Variants in CLYBL observed in about 807,000 individuals in gnomAD.
CLYBL encodes the protein citramalyl-CoA lyase, mitochondrial.
Under a neutral mutation model 38.9 loss-of-function variants are expected in CLYBL, and 31 were observed. That is an observed-to-expected ratio of 0.80 (90% CI 0.60 to 1.08). CLYBL has a LOEUF of 1.08. Ranked by LOEUF, CLYBL falls within the 50% of genes least tolerant of loss-of-function variation. The pLI is 0.00. For missense variants in CLYBL, 434 were observed against 411.6 expected, an observed-to-expected ratio of 1.05 and a Z score of -0.47; for synonymous variants, 171 against 158.6, an observed-to-expected ratio of 1.08 and a Z score of -0.59.
At position 99,612,386 on chromosome 13, in the gene CLYBL, C is replaced by CTTTTTTT. The variant is rs56097059; in HGVS notation, c.62+5642_62+5648dup. Reference sequence around the variant, plus strand: ...AGATAATTAATTTTAGACCTTTCTACTTTTTTTTTTTTTTTTTTTGAGACA... The same window carrying CTTTTTTT: ...AGATAATTAATTTTAGACCTTTCTACTTTTTTTTTTTTTTTTTTTTTTTTTTGAGACA... On this transcript the variant is annotated intron_variant, in intron 1 of 8. Coordinates refer to ENST00000339105, the MANE Select transcript of CLYBL (RefSeq NM_206808.5). 2.8e-4 allele frequency among the ~76,000 whole-genome samples: 31 copies of CTTTTTTT among 112,364 alleles called. 1 individual carries two copies. The highest frequency in any genetic ancestry group is 6.0e-4 in the South Asian group (2 of 3,326). The allele number at this position is 112,364 out of a possible 152,430, so 73.7% of individuals were successfully genotyped here. A position where few individuals can be genotyped will look rare whatever the true frequency, so the allele number is the denominator to read the frequency against.
chr13:99,814,731 A>G (rs1476562298), intron 2 of CLYBL, among the ~76,000 whole-genome samples: 1 of 145,422 alleles, frequency 6.9e-6, no homozygotes, highest in African/African-American at 2.7e-5. Context: ...CTGTCTCAGA[A>G]AAAAAAAAAA....
intron 1 of CLYBL, among the ~76,000 whole-genome samples, chr13:99,765,624 G>T (rs895704271): frequency 6.6e-6 from 1 of 151,984 alleles, no homozygotes; most frequent in Non-Finnish European, 1.5e-5. Flanking sequence ...ACTTACTGCA[G>T]CCTCAACCTC....
At chr13:99,661,820 T>G (rs1221835842) in intron 1 of CLYBL, among the ~76,000 whole-genome samples, 2 of 152,184 alleles carry the variant, frequency 1.3e-5, no homozygotes, top group African/African-American at 4.8e-5. Flanking sequence ...GTCTGATGTG[T>G]TAACAGTCTT....
At chr13:99,651,827 G>T (rs1158289431) in intron 1 of CLYBL, among the ~76,000 whole-genome samples, 1 of 152,112 alleles carries the variant, frequency 6.6e-6, no homozygotes, top group Non-Finnish European at 1.5e-5. Context: ...AGCTACTTGG[G>T]AGGCTGAGGC....
At chr13:99,798,203 G>A (rs930015430) in intron 2 of CLYBL, among the ~76,000 whole-genome samples, 1 of 152,176 alleles carries the variant, frequency 6.6e-6, no homozygotes, top group South Asian at 2.1e-4. Flanking sequence ...GTTTCACTGC[G>A]CTCAAATTTT....
intron 1 of CLYBL, among the ~76,000 whole-genome samples, chr13:99,726,871 G>A (rs552727956): frequency 7.2e-5 from 11 of 152,254 alleles, no homozygotes; most frequent in African/African-American, 2.4e-4. Flanking sequence ...ATCAGAACCT[G>A]GTTTTGACTG....
chr13:99,898,598 T>C (rs2152136652), downstream of CLYBL, among the ~76,000 whole-genome samples: 1 of 152,346 alleles, frequency 6.6e-6, no homozygotes, highest in African/African-American at 2.4e-5. Context: ...CCCCCGCCCC[T>C]GTGTACCCAC....
intron 1 of CLYBL, among the ~76,000 whole-genome samples, chr13:99,629,456 C>A (rs973859920): frequency 5.3e-5 from 8 of 152,306 alleles, no homozygotes; most frequent in Admixed American, 2.6e-4. Context: ...CATCCCCTCC[C>A]CTATCTGGGC....
At chr13:99,906,940 A>T (rs538352217) in intron 9 of CLYBL, among the ~76,000 whole-genome samples, 1 of 152,310 alleles carries the variant, frequency 6.6e-6, no homozygotes, top group East Asian at 1.9e-4. Flanking sequence ...TTGCGTCTAC[A>T]TCTGGGAATT....
intron 1 of CLYBL, among the ~76,000 whole-genome samples, chr13:99,669,663 T>C (rs2793786): frequency 0.79 from 120,025 of 151,926 alleles, 47,624 homozygotes; most frequent in East Asian, 0.84. Flanking sequence ...CTTTTTCATT[T>C]CCCATGAAGA....
Position 99,625,537 on chromosome 13 carries a change from C to T in CLYBL, c.62+18780C>T, listed in dbSNP as rs576437619. On this transcript the variant is annotated intron_variant, in intron 1 of 8. Coordinates refer to ENST00000339105, the MANE Select transcript of CLYBL (RefSeq NM_206808.5). ...TAATGAAGGATAAGAAACTTCACAA[C>T]CATATGGTTTACTACTTGATGCGAT... is the stretch of plus-strand genomic sequence containing the variant. 3.3e-5 allele frequency among the ~76,000 whole-genome samples: 5 copies of T among 152,234 alleles called. 1 individual carries two copies. In the South Asian group the frequency reaches 1.0e-3, roughly 32 times the overall value.
chr13:99,847,893 G>A (rs962653427), intron 2 of CLYBL, among the ~76,000 whole-genome samples: 2 of 152,146 alleles, frequency 1.3e-5, no homozygotes, highest in Non-Finnish European at 2.9e-5. Flanking sequence ...CCAATGGAAC[G>A]GAGCGTCATT....
In CLYBL at chr13:99,865,517, C is replaced by G. The variant is rs745770507; in HGVS notation, c.634+606C>G. Among the ~76,000 whole-genome samples, 1 of 152,070 alleles carries G rather than the reference C, an allele frequency of 6.6e-6. No homozygotes were observed. Among genetic ancestry groups the G allele is most frequent in the Non-Finnish European group, 1.5e-5 (1 of 68,008 alleles). ...ACCGTGAAGCATTTAGAAAAGAGGCCGAGGCCACAGAAACCAGCCCCAGTG... is the reference window on the plus strand; with the variant it reads ...ACCGTGAAGCATTTAGAAAAGAGGCGGAGGCCACAGAAACCAGCCCCAGTG... On this transcript the variant is annotated intron_variant, in intron 5 of 8. Coordinates refer to ENST00000339105, the MANE Select transcript of CLYBL (RefSeq NM_206808.5). This position sits in a 1 kb window ranked among gnomAD's most constrained non-coding sequence, Gnocchi z 4.7.
chr13:99,880,141 C>T (rs1355603230), intron 7 of CLYBL, among the ~76,000 whole-genome samples: 1 of 144,632 alleles, frequency 6.9e-6, no homozygotes, highest in Non-Finnish European at 1.5e-5. Context: ...GATCTTGGCT[C>T]ACTGCAACCT....
At chr13:99,749,966 T>C (rs2048924654) in intron 1 of CLYBL, among the ~76,000 whole-genome samples, 1 of 152,226 alleles carries the variant, frequency 6.6e-6, no homozygotes, top group Admixed American at 6.5e-5. Context: ...TACCTAGTTA[T>C]TAATAGTCAA....
At chr13:99,828,109 A>G (rs889320742) in intron 2 of CLYBL, among the ~76,000 whole-genome samples, 9 of 152,192 alleles carry the variant, frequency 5.9e-5, no homozygotes, top group Non-Finnish European at 1.2e-4. Context: ...ATTTTCAAAG[A>G]CAACATGAAA....
At chr13:99,881,373 C>G (rs1017622698) in intron 7 of CLYBL, among the ~76,000 whole-genome samples, 2 of 152,072 alleles carry the variant, frequency 1.3e-5, no homozygotes, top group African/African-American at 4.8e-5. Flanking sequence ...ATGAAAAACA[C>G]GTTCTATACT....
chr13:99,901,637 ATTTTTTTGTTTTT>A (rs1461408327), downstream of CLYBL, among the ~76,000 whole-genome samples: 2 of 65,440 alleles, frequency 3.1e-5, no homozygotes, highest in Non-Finnish European at 6.2e-5. Flanking sequence ...GGTTTTTTGG[ATTTTTTTGTTTTT>A]TTTTTTTGTT....
At position 99,864,838 on chromosome 13, in the gene CLYBL, G is replaced by A. The variant is rs147737718; in HGVS notation, c.561G>A (p.Leu187=). The A allele has an allele frequency of 1.2e-6, 2 of 1,613,906 alleles. No homozygotes were observed. The highest frequency in any genetic ancestry group is 2.2e-5 in the South Asian group (2 of 91,068). Residue 187 remains leucine (L), a synonymous_variant, in exon 5 of 9, where the codon CTG becomes CTA. Coordinates refer to ENST00000339105, the MANE Select transcript of CLYBL (RefSeq NM_206808.5). ...LNFKAVCEET[L]KVGPQVGLFL... is the part of the protein sequence containing the mutation. ...TACAGGCAGTGTGTGAAGAAACCCT[G>A]AAGGTCGGGCCTCAAGTAGGTCTCT...
Sources: gnomAD v4.1 joint callset for allele counts (sites outside exome capture counted in the v4.1 genomes callset) on GRCh38, gnomAD v4.1.1 for gene constraint, Gnocchi (gnomAD v3.1) non-coding constraint, MANE v1.5 for transcripts, NCBI Gene and HGNC (gene_info 2026-07-23, HGNC 2026-07-21) for gene names.